GALNT13: variants seen among roughly 807,000 people sequenced by gnomAD.
GALNT13 encodes the protein polypeptide N-acetylgalactosaminyltransferase 13.
A neutral mutation model predicts 64.2 loss-of-function variants in GALNT13; 28 were observed. The ratio of observed to expected loss-of-function variants is 0.44; its 90% CI spans 0.32 to 0.60. The LOEUF (loss-of-function observed/expected upper bound fraction) is 0.60, where lower values mean the gene tolerates loss of function less well. GALNT13 is among the 20% of genes least tolerant of loss of function. GALNT13 has a pLI of 0.05. For missense variants in GALNT13, 577 were observed against 669.8 expected (o/e 0.86, Z 1.53); for synonymous variants, 214 against 224.6 (o/e 0.95, Z 0.42).
chr2:154,264,513 T>G (rs1690876987), intron 8 of GALNT13, among the ~76,000 whole-genome samples: 1 of 149,728 alleles, frequency 6.7e-6, no homozygotes, highest in Non-Finnish European at 1.5e-5. Context: ...GGTGGACTCC[T>G]GTAATCCCAG....
intron 4 of GALNT13, among the ~76,000 whole-genome samples, chr2:154,154,605 G>C (rs2105639835): frequency 6.6e-6 from 1 of 152,174 alleles, no homozygotes; most frequent in African/African-American, 2.4e-5. Context: ...GATTGGATAA[G>C]GAACTTGTCC....
chr2:153,807,244 T>C, the GALNT13 span, among the ~76,000 whole-genome samples: 1 of 151,306 alleles, frequency 6.6e-6, no homozygotes, highest in African/African-American at 2.4e-5. Context: ...TAGATAGACA[T>C]ATATATATAT....
intron 3 of GALNT13, among the ~76,000 whole-genome samples, chr2:153,984,260 T>G (rs909200948): frequency 4.6e-5 from 7 of 151,776 alleles, no homozygotes; most frequent in African/African-American, 1.7e-4. Context: ...TAAATTATTT[T>G]TATAATTGAC....
At chr2:153,689,310 G>A in the GALNT13 span, among the ~76,000 whole-genome samples, 1 of 151,874 alleles carries the variant, frequency 6.6e-6, no homozygotes, top group Non-Finnish European at 1.5e-5. Flanking sequence ...TAAGCACATT[G>A]TCATATACTA....
At position 153,922,513 on chromosome 2, in the gene GALNT13, T is replaced by A. The variant is rs140842756; in HGVS notation, c.-105+21506T>A. Among the ~76,000 whole-genome samples, 340 of 152,326 alleles carry A rather than the reference T, an allele frequency of 2.2e-3. 1 individual carries two copies. The highest frequency in any genetic ancestry group is 7.8e-3 in the African/African-American group (323 of 41,572). On this transcript the variant is annotated intron_variant, in intron 2 of 12. Transcript: ENST00000392825. ...TATGGACTGTTTCCTTTTAGAATTT[T>A]ATCCTTGTCTCAAAAATAAACTATA... is the stretch of plus-strand genomic sequence containing the variant.
At chr2:153,443,931 G>T in the GALNT13 span, among the ~76,000 whole-genome samples, 1 of 151,912 alleles carries the variant, frequency 6.6e-6, no homozygotes, top group Admixed American at 6.6e-5. Flanking sequence ...AAAAAAAAAG[G>T]TCAGTTTCTC....
chr2:153,265,862 T>C, the GALNT13 span, among the ~76,000 whole-genome samples: 1 of 152,202 alleles, frequency 6.6e-6, no homozygotes, highest in African/African-American at 2.4e-5. Context: ...TTACATAAAC[T>C]TAGTTGATAA....
chr2:153,234,645 A>G, the GALNT13 span, among the ~76,000 whole-genome samples: 1 of 152,050 alleles, frequency 6.6e-6, no homozygotes, highest in Non-Finnish European at 1.5e-5. Flanking sequence ...ACATAAGGAT[A>G]TTTTTTCATC....
the GALNT13 span, among the ~76,000 whole-genome samples, chr2:153,372,203 A>G: frequency 6.6e-6 from 1 of 152,060 alleles, no homozygotes. Context: ...TTAATGGGTA[A>G]AATTTTACTT....
intron 3 of GALNT13, among the ~76,000 whole-genome samples, chr2:154,076,091 C>T (rs558365944): frequency 1.3e-5 from 2 of 151,732 alleles, no homozygotes; most frequent in East Asian, 3.9e-4. Context: ...TGTGGGCCAA[C>T]AGCAGCTCTG....
chr2:154,317,393 T>C (rs1182999732), intron 9 of GALNT13, among the ~76,000 whole-genome samples: 1 of 152,116 alleles, frequency 6.6e-6, no homozygotes, highest in African/African-American at 2.4e-5. Flanking sequence ...AAGCTACAAA[T>C]TGAGTAATAT....
chr2:153,897,051 A>G (rs141069074), intron 1 of GALNT13, among the ~76,000 whole-genome samples: 2 of 152,252 alleles, frequency 1.3e-5, no homozygotes, highest in East Asian at 3.9e-4. Context: ...ACACGTGTAG[A>G]CACACCACAT....
At chr2:153,123,532 C>G in the GALNT13 span, among the ~76,000 whole-genome samples, 17 of 152,184 alleles carry the variant, frequency 1.1e-4, no homozygotes, top group African/African-American at 4.1e-4. Flanking sequence ...AATAAAGTTA[C>G]ATTTCAGCAC....
At chr2:153,992,641 A>C (rs1695237008) in intron 3 of GALNT13, among the ~76,000 whole-genome samples, 1 of 152,216 alleles carries the variant, frequency 6.6e-6, no homozygotes. Context: ...TCATTCTGGA[A>C]TAAGTGTATC....
the GALNT13 span, among the ~76,000 whole-genome samples, chr2:153,336,646 A>G: frequency 1.3e-5 from 2 of 152,260 alleles, no homozygotes; most frequent in East Asian, 3.9e-4. Flanking sequence ...GACAGAAGAG[A>G]CTTGCCTTGT....
rs1241888132 is a variant in GALNT13 at position 154,269,432 on chromosome 2, G to GT, written c.975+10305dup. Among the ~76,000 whole-genome samples the GT allele has an allele frequency of 5.2e-3, 747 of 144,518 alleles. 5 individuals are homozygous for GT. The highest frequency in any genetic ancestry group is 0.015 in the African/African-American group (597 of 39,786). The allele number at this position is 144,518 out of a possible 152,430, so 94.8% of individuals were successfully genotyped here. Reference sequence around the variant, plus strand: ...TTTGTCAGTGTGTAAAACTTGACTGGTTTTTTTTTTTGGATCAGTCATAGA... The same window carrying GT: ...TTTGTCAGTGTGTAAAACTTGACTGGTTTTTTTTTTTTGGATCAGTCATAGA... On this transcript the variant is annotated intron_variant, in intron 8 of 12. Coordinates refer to ENST00000392825, the MANE Select transcript of GALNT13 (RefSeq NM_052917.4).
At chr2:153,818,952 G>A in the GALNT13 span, among the ~76,000 whole-genome samples, 1 of 152,104 alleles carries the variant, frequency 6.6e-6, no homozygotes, top group Non-Finnish European at 1.5e-5. Flanking sequence ...CCCCATCACA[G>A]CCAGCACCTG....
the GALNT13 span, among the ~76,000 whole-genome samples, chr2:153,671,057 G>A: frequency 3.7e-4 from 56 of 152,310 alleles, 1 homozygote; most frequent in South Asian, 5.2e-3. Context: ...TATGTGAAAA[G>A]ACTAAATCTA....
At chr2:154,111,231 C>A (rs1702969319) in intron 3 of GALNT13, among the ~76,000 whole-genome samples, 1 of 152,140 alleles carries the variant, frequency 6.6e-6, no homozygotes, top group Non-Finnish European at 1.5e-5. Flanking sequence ...GGTGGAGTGA[C>A]CCAAACTTTC....
Sources: gnomAD v4.1 joint callset for allele counts (sites outside exome capture counted in the v4.1 genomes callset) on GRCh38, gnomAD v4.1.1 for gene constraint, MANE v1.5 for transcripts, NCBI Gene and HGNC (gene_info 2026-07-23, HGNC 2026-07-21) for gene names.